Variants in ARFGEF2 observed in about 807,000 individuals in gnomAD.
ARFGEF2 encodes the protein brefeldin A-inhibited guanine nucleotide-exchange protein 2.
A neutral mutation model predicts 219.9 loss-of-function variants in ARFGEF2; 74 were observed. The observed-to-expected ratio is 0.34, with a 90% CI of 0.28 to 0.41. The LOEUF (loss-of-function observed/expected upper bound fraction) is 0.41. ARFGEF2 is among the 10% of genes least tolerant of loss of function. The pLI, the probability that ARFGEF2 is intolerant of heterozygous loss-of-function variation, is 1.00. For missense variants in ARFGEF2, 1,743 were observed against 2,218.3 expected (o/e 0.79, Z 4.30); for synonymous variants, 733 against 799.2 (o/e 0.92, Z 1.40).
intron 18 of ARFGEF2, 89 bp downstream of exon 18, chr20:48,988,751 G>C: frequency 1.7e-6 from 2 of 1,177,238 alleles, no homozygotes; most frequent in Non-Finnish European, 2.5e-6. Flanking sequence ...TAAATTTAAT[G>C]TGCATAGCTG....
intron 14 of ARFGEF2, among the ~76,000 whole-genome samples, chr20:48,980,284 G>T (rs538127537): frequency 6.6e-6 from 1 of 152,332 alleles, no homozygotes; most frequent in Non-Finnish European, 1.5e-5. Flanking sequence ...CCATGTAGTT[G>T]TGTGGTTTTG....
intron 23 of ARFGEF2, among the ~76,000 whole-genome samples, chr20:48,997,170 C>A (rs1366256228): frequency 6.6e-6 from 1 of 152,128 alleles, no homozygotes; most frequent in African/African-American, 2.4e-5. Flanking sequence ...TTCCCATCTT[C>A]TTCCACTGTT....
chr20:48,972,507 C>G (rs1282294395), intron 11 of ARFGEF2, 82 bp downstream of exon 11: 3 of 1,080,610 alleles, frequency 2.8e-6, no homozygotes, highest in African/African-American at 1.6e-5. Context: ...TCTAACCCCT[C>G]CTTTTAGAGT....
intron 25 of ARFGEF2, among the ~76,000 whole-genome samples, chr20:49,003,839 G>A (rs1263690708): frequency 6.6e-6 from 1 of 152,048 alleles, no homozygotes; most frequent in African/African-American, 2.4e-5. Context: ...CCATAGACAA[G>A]TACAATTTTT....
At chr20:48,967,834 T>G (rs2091197816) in intron 8 of ARFGEF2, among the ~76,000 whole-genome samples, 1 of 152,202 alleles carries the variant, frequency 6.6e-6, no homozygotes, top group Non-Finnish European at 1.5e-5. Context: ...ACTCTAATGA[T>G]GAGTAATAAG....
Position 48,995,774 on chromosome 20 carries a change from G to A in ARFGEF2, c.3122-9G>A. The A allele has an allele frequency of 4.3e-6, 7 of 1,613,392 alleles. No homozygotes were observed. Among genetic ancestry groups the A allele is most frequent in the Non-Finnish European group, 5.9e-6 (7 of 1,179,338 alleles). On this transcript the variant is annotated splice_polypyrimidine_tract_variant and intron_variant, in intron 22 of 38. Transcript: ENST00000371917. Reference sequence around the variant, plus strand: ...TGAAGTACTGCTGATTTTGTGCATTGTGTTTCAGGTAATTTGGTGAGTGGC... The same window carrying A: ...TGAAGTACTGCTGATTTTGTGCATTATGTTTCAGGTAATTTGGTGAGTGGC...
chr20:48,984,911 C>T (rs538722366), intron 15 of ARFGEF2, 71 bp downstream of exon 15: 5 of 1,609,918 alleles, frequency 3.1e-6, no homozygotes, highest in Non-Finnish European at 3.4e-6. Context: ...CAGTTTTAAC[C>T]TCGAGATTGT....
At chr20:49,031,606 G>C (rs1468511023) in intron 37 of ARFGEF2, among the ~76,000 whole-genome samples, 1 of 152,032 alleles carries the variant, frequency 6.6e-6, no homozygotes, top group Non-Finnish European at 1.5e-5. Flanking sequence ...AGCCAGAGTG[G>C]GTGCTCAATA....
chr20:48,965,291 C>T (rs1208889134), intron 7 of ARFGEF2, among the ~76,000 whole-genome samples: 1 of 152,160 alleles, frequency 6.6e-6, no homozygotes, highest in Non-Finnish European at 1.5e-5. Flanking sequence ...AAATTGTTCT[C>T]ATTGTTTCAT....
chr20:49,020,547 G>A (rs184911174), intron 34 of ARFGEF2, among the ~76,000 whole-genome samples: 2 of 152,300 alleles, frequency 1.3e-5, no homozygotes, highest in African/African-American at 4.8e-5. Context: ...CTGGGCTCAA[G>A]CAATCCTCCT....
intron 1 of ARFGEF2, among the ~76,000 whole-genome samples, chr20:48,925,913 AAAG>A (rs2090874061): frequency 6.6e-6 from 1 of 152,230 alleles, no homozygotes; most frequent in African/African-American, 2.4e-5. Flanking sequence ...GAAAATTTAA[AAAG>A]AATAGTAAAC....
At chr20:49,004,352 GAA>G (rs981831061) in intron 25 of ARFGEF2, among the ~76,000 whole-genome samples, 4 of 151,930 alleles carry the variant, frequency 2.6e-5, no homozygotes, top group African/African-American at 9.7e-5. Context: ...AACAAGAAAA[GAA>G]AAGAGTTCTG....
intron 8 of ARFGEF2, among the ~76,000 whole-genome samples, chr20:48,967,817 A>G (rs1307776344): frequency 6.6e-6 from 1 of 152,108 alleles, no homozygotes; most frequent in Non-Finnish European, 1.5e-5. Context: ...GATAGGAGAA[A>G]GCTCCTACTC....
chr20:48,923,896 G>A (rs960618811), intron 1 of ARFGEF2, among the ~76,000 whole-genome samples: 2 of 152,160 alleles, frequency 1.3e-5, no homozygotes, highest in Non-Finnish European at 2.9e-5. Flanking sequence ...AGAAGTTCAA[G>A]TTTTCCTAAC....
intron 28 of ARFGEF2, 46 bp from the exon 29 acceptor site, chr20:49,013,518 C>CT: frequency 6.2e-7 from 1 of 1,613,472 alleles, no homozygotes; most frequent in Non-Finnish European, 8.5e-7. Flanking sequence ...CAGTTCCTTC[C>CT]TTTTGCATGC....
chr20:49,019,150 T>C, intron 34 of ARFGEF2, 152 bp downstream of exon 34: 1 of 660,390 alleles, frequency 1.5e-6, no homozygotes, highest in Admixed American at 2.4e-5. Context: ...CCTGTTTCTC[T>C]GTACCTTTCC....
chr20:49,018,333 A>G (rs902723212), intron 33 of ARFGEF2, among the ~76,000 whole-genome samples: 1 of 152,100 alleles, frequency 6.6e-6, no homozygotes, highest in African/African-American at 2.4e-5. Context: ...CCTGGGTTCA[A>G]GCGATTCTCA....
intron 26 of ARFGEF2, among the ~76,000 whole-genome samples, 172 bp from the exon 27 acceptor site, chr20:49,010,060 T>G (rs1460435417): frequency 2.0e-5 from 3 of 152,232 alleles, no homozygotes; most frequent in African/African-American, 7.2e-5. Context: ...TGTAGCTCTA[T>G]GCAGCATGCT....
chr20:48,986,346 G>A (rs752942212), intron 16 of ARFGEF2, among the ~76,000 whole-genome samples: 3 of 152,066 alleles, frequency 2.0e-5, no homozygotes, highest in Non-Finnish European at 2.9e-5. Flanking sequence ...GCTCATGTTC[G>A]GGCTGGATGC....
Sources: allele counts gnomAD v4.1 joint callset (sites outside exome capture counted in the v4.1 genomes callset), GRCh38; gene constraint gnomAD v4.1.1; transcripts MANE v1.5; gene names NCBI Gene and HGNC (gene_info 2026-07-23, HGNC 2026-07-21).